Variants in STK38 observed in about 807,000 individuals in gnomAD.
STK38 encodes serine/threonine-protein kinase 38.
A neutral mutation model predicts 59.0 loss-of-function variants in STK38; 26 were observed. That is an observed-to-expected ratio of 0.44 (90% CI 0.32 to 0.61). STK38 has a LOEUF of 0.61. Ranked by LOEUF, STK38 falls within the 20% of genes least tolerant of loss-of-function variation. The pLI is 0.04. For synonymous variants in STK38, 175 were observed against 176.6 expected (o/e 0.99, Z 0.07); for missense variants, 433 against 566.0 (o/e 0.76, Z 2.38).
At chr6:36,497,728 AG>A in intron 12 of STK38, 51 bp downstream of exon 12, 1 of 1,442,046 alleles carries the variant, frequency 6.9e-7, no homozygotes, top group African/African-American at 1.4e-5. Context: ...ATTATTATTA[AG>A]TAAACTAGAG....
intron 5 of STK38, 119 bp from the exon 6 acceptor site, chr6:36,517,959 TA>T: frequency 7.7e-7 from 1 of 1,297,538 alleles, no homozygotes. Context: ...ATCGTGATGA[TA>T]TAAAAGATCC....
intron 1 of STK38, among the ~76,000 whole-genome samples, chr6:36,545,957 ACT>A (rs1778044858): frequency 1.3e-5 from 2 of 152,146 alleles, no homozygotes; most frequent in South Asian, 4.1e-4. Flanking sequence ...TTACAATGGT[ACT>A]CTGTGATCAC....
At chr6:36,509,259 T>C (rs1777043521) in intron 7 of STK38, among the ~76,000 whole-genome samples, 1 of 152,168 alleles carries the variant, frequency 6.6e-6, no homozygotes, top group Admixed American at 6.5e-5. Context: ...CAAAGTGGGT[T>C]GCTCCTTTCC....
intron 13 of STK38, among the ~76,000 whole-genome samples, chr6:36,496,489 TACTC>T (rs912681075): frequency 3.3e-5 from 5 of 152,224 alleles, no homozygotes; most frequent in East Asian, 1.9e-4. Context: ...TTTTGTGACT[TACTC>T]ACCCAGTTGA....
rs1777223998 is a variant in STK38, at chr6:36,515,357, T to C, written c.650A>G (p.Asn217Ser). ...CAATACCTTGCTGTCCAAAAGAAGG[T>C]TGTCTGGTTTGATGTCTCTGTGGAT... ...GFIHRDIKPD[N>S]LLLDSKGHVK... The change falls in exon 7 of 14, where the codon AAC becomes AGC. Residue 217 changes from asparagine to serine, a missense_variant. Physicochemically the swap from Asn to Ser is conservative, Grantham distance 46. This residue lies in a region of STK38 where 293 missense variants were observed against 388.2 expected (regional missense o/e 0.75). Transcript: ENST00000229812. 1.2e-6 allele frequency: 2 copies of C among 1,613,790 alleles called. No individual in the cohort carries two copies. The highest frequency in any genetic ancestry group is 1.1e-5 in the South Asian group (1 of 91,068).
At chr6:36,498,888 G>A (rs1425002656) in intron 10 of STK38, among the ~76,000 whole-genome samples, 1 of 152,054 alleles carries the variant, frequency 6.6e-6, no homozygotes, top group Non-Finnish European at 1.5e-5. Context: ...ACTGTGCCCG[G>A]CCTGATTCTG....
intron 2 of STK38, among the ~76,000 whole-genome samples, chr6:36,531,458 T>C (rs1777664750): frequency 6.6e-6 from 1 of 152,230 alleles, no homozygotes; most frequent in African/African-American, 2.4e-5. Context: ...ATCTAAAACA[T>C]TGTTTTTTAA....
At chr6:36,528,597 G>C (rs1191190251) in intron 2 of STK38, among the ~76,000 whole-genome samples, 1 of 152,174 alleles carries the variant, frequency 6.6e-6, no homozygotes, top group African/African-American at 2.4e-5. Flanking sequence ...GCGTGCACAT[G>C]TATTAGAGAG....
At chr6:36,545,024 T>C (rs1431275362) in intron 1 of STK38, among the ~76,000 whole-genome samples, 1 of 151,998 alleles carries the variant, frequency 6.6e-6, no homozygotes, top group Non-Finnish European at 1.5e-5. Flanking sequence ...ACACGGTGGC[T>C]CATGCCTGTA....
chr6:36,501,455 TACAA>T (rs1303416012), intron 9 of STK38, among the ~76,000 whole-genome samples: 1 of 152,054 alleles, frequency 6.6e-6, no homozygotes, highest in African/African-American at 2.4e-5. Flanking sequence ...TATGAAATAT[TACAA>T]ACATACAGAA....
At chr6:36,500,365 C>T (rs1776807233) in intron 9 of STK38, among the ~76,000 whole-genome samples, 1 of 152,008 alleles carries the variant, frequency 6.6e-6, no homozygotes, top group Non-Finnish European at 1.5e-5. Context: ...CAAAACTTTT[C>T]CAAGGAGGAC....
At chr6:36,499,203 T>A (rs1484194945) in intron 10 of STK38, among the ~76,000 whole-genome samples, 1 of 152,118 alleles carries the variant, frequency 6.6e-6, no homozygotes, top group Non-Finnish European at 1.5e-5. Flanking sequence ...ATAACTTGAA[T>A]AAGAAAAAAG....
At chr6:36,537,883 A>C (rs1777834003) in intron 2 of STK38, among the ~76,000 whole-genome samples, 1 of 151,954 alleles carries the variant, frequency 6.6e-6, no homozygotes, top group Admixed American at 6.6e-5. Flanking sequence ...TGGGCAACAA[A>C]ACAACACCCC....
chr6:36,537,363 G>A (rs1484128357), intron 2 of STK38, among the ~76,000 whole-genome samples: 9 of 152,130 alleles, frequency 5.9e-5, no homozygotes, highest in Non-Finnish European at 1.3e-4. Context: ...ATATAGCTAT[G>A]TACATGATTC....
At chr6:36,537,267 T>C (rs374736709) in intron 2 of STK38, among the ~76,000 whole-genome samples, 18 of 152,180 alleles carry the variant, frequency 1.2e-4, no homozygotes, top group African/African-American at 4.1e-4. Context: ...ACAACGCAAA[T>C]GTTAGTAAAA....
At chr6:36,544,265 T>C (rs1400254741) in intron 1 of STK38, among the ~76,000 whole-genome samples, 1 of 152,066 alleles carries the variant, frequency 6.6e-6, no homozygotes, top group East Asian at 1.9e-4. Flanking sequence ...TTATTTTTTA[T>C]GGGGAAGTTT....
At chr6:36,532,476 T>C (rs955683288) in intron 2 of STK38, among the ~76,000 whole-genome samples, 2 of 152,014 alleles carry the variant, frequency 1.3e-5, no homozygotes, top group African/African-American at 4.8e-5. Flanking sequence ...TAGCAGCTCA[T>C]ACAAAAAAGA....
chr6:36,528,360 G>GT (rs1458628229), intron 2 of STK38, among the ~76,000 whole-genome samples: 1 of 151,170 alleles, frequency 6.6e-6, no homozygotes, highest in Non-Finnish European at 1.5e-5. Context: ...GAGAGTTATT[G>GT]TAATGATTCA....
At chr6:36,521,996 G>A (rs1173953066) in intron 4 of STK38, among the ~76,000 whole-genome samples, 179 bp from the exon 5 acceptor site, 1 of 152,200 alleles carries the variant, frequency 6.6e-6, no homozygotes, top group African/African-American at 2.4e-5. Flanking sequence ...ATTACACACA[G>A]TAAAGTCGAT....
Sources: allele counts gnomAD v4.1 joint callset (sites outside exome capture counted in the v4.1 genomes callset), GRCh38; gene constraint gnomAD v4.1.1; regional missense constraint gnomAD v4.1.1; transcripts MANE v1.5; gene names NCBI Gene and HGNC (gene_info 2026-07-23, HGNC 2026-07-21).